PNLDC1: variants seen among roughly 807,000 people sequenced by gnomAD.
The protein encoded by PNLDC1 is poly(A)-specific ribonuclease PNLDC1.
PNLDC1 carries 70 observed loss-of-function variants against 82.0 expected under a neutral mutation model. The ratio of observed to expected loss-of-function variants is 0.85; its 90% CI spans 0.70 to 1.04. The LOEUF (loss-of-function observed/expected upper bound fraction) is 1.04. Among genes scored for constraint, PNLDC1 ranks in the 50% least tolerant of loss-of-function variants. The probability of loss-of-function intolerance (pLI) is 0.00; values close to 1 mark genes in which losing one functional copy is unlikely to be tolerated. For synonymous variants in PNLDC1, 280 were observed against 249.3 expected (o/e 1.12, Z -1.16); for missense variants, 631 against 661.1 (o/e 0.95, Z 0.50).
chr6:159,803,756 CTG>C (rs1159600217), intron 4 of PNLDC1, among the ~76,000 whole-genome samples: 1 of 152,134 alleles, frequency 6.6e-6, no homozygotes, highest in Non-Finnish European at 1.5e-5. Context: ...GGGGCTGTCT[CTG>C]TGGTATACGC....
chr6:159,800,610 G>A, intron 1 of PNLDC1, 162 bp from the exon 2 acceptor site: 1 of 1,571,306 alleles, frequency 6.4e-7, no homozygotes, highest in Non-Finnish European at 8.7e-7. Context: ...CAGGTGCCTG[G>A]CTGCTCCTTG....
At chr6:159,799,798 G>A (rs1781166873), upstream of PNLDC1, among the ~76,000 whole-genome samples, 1 of 152,142 alleles carries the variant, frequency 6.6e-6, no homozygotes, top group Non-Finnish European at 1.5e-5. Flanking sequence ...ACAGCAGAAT[G>A]AGGAAAAAGA....
intron 6 of PNLDC1, among the ~76,000 whole-genome samples, chr6:159,805,086 G>T (rs1781399466): frequency 6.6e-6 from 1 of 152,208 alleles, no homozygotes; most frequent in Non-Finnish European, 1.5e-5. Flanking sequence ...CTTCAGATGT[G>T]TGCCTTGGTT....
At chr6:159,801,217 C>T in intron 3 of PNLDC1, 31 bp downstream of exon 3, 1 of 1,586,136 alleles carries the variant, frequency 6.3e-7, no homozygotes, top group Non-Finnish European at 8.7e-7. Context: ...TAGAGTTTTT[C>T]AAGAAGGTAT....
chr6:159,813,364 G>A (rs1039848811), intron 11 of PNLDC1, among the ~76,000 whole-genome samples: 1 of 152,132 alleles, frequency 6.6e-6, no homozygotes, highest in Non-Finnish European at 1.5e-5. Flanking sequence ...GGGAGATAGT[G>A]TGTGTAGAGT....
chr6:159,804,440 T>C, intron 5 of PNLDC1, 109 bp from the exon 6 acceptor site: 1 of 769,768 alleles, frequency 1.3e-6, no homozygotes, highest in Non-Finnish European at 2.2e-6. Flanking sequence ...CGAACTGGCT[T>C]ATACAGCCCG....
At chr6:159,813,822 C>A (rs1242066083) in intron 12 of PNLDC1, among the ~76,000 whole-genome samples, 166 bp downstream of exon 12, 11 of 152,162 alleles carry the variant, frequency 7.2e-5, no homozygotes, top group Admixed American at 7.2e-4. Context: ...CCTCCGATGA[C>A]CCTCTTGCCT....
In PNLDC1 at chr6:159,816,916, C is replaced by T. The variant is rs553030826; in HGVS notation, c.1115-193C>T. 9.8e-5 allele frequency among the ~76,000 whole-genome samples: 15 copies of T among 152,320 alleles called. No homozygotes were observed. In the East Asian group the frequency reaches 2.1e-3, roughly 22 times the overall value. ...CTGGGTTCAAGCAATCCACCCGCCT[C>T]GGCCTCCCAAGGTGCTGGGATTACA... On this transcript the variant is annotated intron_variant, in intron 14 of 18. Transcript: ENST00000392167.
chr6:159,811,913 T>C, intron 11 of PNLDC1, 127 bp downstream of exon 11: 2 of 651,344 alleles, frequency 3.1e-6, no homozygotes, highest in Non-Finnish European at 5.0e-6. Context: ...TGTTTTGTTT[T>C]GTTTGAGAGG....
At chr6:159,817,241 G>T (rs752005555) in intron 15 of PNLDC1, 90 bp downstream of exon 15, 2 of 1,199,542 alleles carry the variant, frequency 1.7e-6, no homozygotes, top group African/African-American at 1.5e-5. Flanking sequence ...CCAGTCCCAG[G>T]GTTCTACCAA....
At chr6:159,801,063 C>T (rs768300124) in intron 2 of PNLDC1, 50 bp from the exon 3 acceptor site, 2 of 1,595,160 alleles carry the variant, frequency 1.3e-6, no homozygotes, top group South Asian at 1.1e-5. Context: ...GGCCATAGTG[C>T]CGGGATGGGA....
intron 16 of PNLDC1, 50 bp from the exon 17 acceptor site, chr6:159,818,895 AG>A: frequency 6.3e-7 from 1 of 1,582,410 alleles, no homozygotes; most frequent in South Asian, 1.1e-5. Context: ...AGACTGGATA[AG>A]AAGTCAGGAA....
In PNLDC1 at chr6:159,818,643, G is replaced by T; in HGVS notation, c.1246G>T (p.Val416Phe). The T allele has an allele frequency of 1.9e-6, 3 of 1,613,584 alleles. No homozygotes were observed. The highest frequency in any genetic ancestry group is 2.5e-6 in the Non-Finnish European group (3 of 1,179,860). ...CCAAGTGAACCTCATCCGAGCGGGG[G>T]TCCCAAAGATCGTGAGTAGATCTCA... ...VNQVNLIRAG[V>F]PKINFSGPDY... The change falls in exon 16 of 19, where the codon GTC becomes TTC. Residue 416 changes from valine to phenylalanine, a missense_variant. By Grantham distance (50) the Val-to-Phe change is conservative. Coordinates refer to ENST00000392167, the MANE Select transcript of PNLDC1 (RefSeq NM_001271862.2).
At chr6:159,802,566 C>T (rs1352834785) in intron 3 of PNLDC1, among the ~76,000 whole-genome samples, 2 of 151,640 alleles carry the variant, frequency 1.3e-5, no homozygotes, top group Non-Finnish European at 2.9e-5. Context: ...GTTATGTTTC[C>T]ATTGTTGTAC....
chr6:159,810,588 TATTGGACATTCA>T (rs1188380355), intron 10 of PNLDC1, among the ~76,000 whole-genome samples: 1 of 152,204 alleles, frequency 6.6e-6, no homozygotes, highest in Non-Finnish European at 1.5e-5. Flanking sequence ...TTGATTCCAT[TATTGGACATTCA>T]GTGGTGCAGC....
intron 7 of PNLDC1, among the ~76,000 whole-genome samples, chr6:159,808,133 C>T (rs572292970): frequency 8.5e-5 from 13 of 152,194 alleles, no homozygotes; most frequent in Non-Finnish European, 4.4e-5. Flanking sequence ...AGGTTGGTCT[C>T]GAACTCCTGA....
chr6:159,816,879 G>C (rs1293969699), intron 14 of PNLDC1, among the ~76,000 whole-genome samples: 1 of 152,100 alleles, frequency 6.6e-6, no homozygotes, highest in Non-Finnish European at 1.5e-5. Flanking sequence ...TGCCCAGGCT[G>C]GTCTCAAACT....
At chr6:159,808,878 A>G in intron 8 of PNLDC1, 62 bp downstream of exon 8, 6 of 1,598,992 alleles carry the variant, frequency 3.8e-6, no homozygotes, top group Non-Finnish European at 5.1e-6. Flanking sequence ...TAATTGGCCA[A>G]ATCTGGCCTC....
chr6:159,803,916 GTTT>G, intron 4 of PNLDC1, 46 bp from the exon 5 acceptor site: 1 of 1,575,016 alleles, frequency 6.3e-7, no homozygotes, highest in South Asian at 1.2e-5. Context: ...GGGAGCCAGA[GTTT>G]TTTAAATGGT....
Sources: allele counts gnomAD v4.1 joint callset (sites outside exome capture counted in the v4.1 genomes callset), GRCh38; gene constraint gnomAD v4.1.1; transcripts MANE v1.5; gene names NCBI Gene and HGNC (gene_info 2026-07-23, HGNC 2026-07-21).